Variants in CNTNAP2 observed in about 807,000 individuals in gnomAD.
CNTNAP2 encodes contactin associated protein 2, also known as contactin-associated protein-like 2.
A neutral mutation model predicts 155.2 loss-of-function variants in CNTNAP2; 98 were observed. The ratio of observed to expected loss-of-function variants is 0.63; its 90% CI spans 0.54 to 0.75. CNTNAP2 has a LOEUF of 0.75. CNTNAP2 is among the 30% of genes least tolerant of loss of function. The pLI is 0.00. For synonymous variants in CNTNAP2, 651 were observed against 631.2 expected, an observed-to-expected ratio of 1.03 and a Z score of -0.47; for missense variants, 1,727 against 1,688.1, an observed-to-expected ratio of 1.02 and a Z score of -0.40.
intron 13 of CNTNAP2, among the ~76,000 whole-genome samples, chr7:147,808,622 AC>A (rs1798130405): frequency 6.6e-6 from 1 of 152,072 alleles, no homozygotes; most frequent in Admixed American, 6.6e-5. Flanking sequence ...CTCCAATGTT[AC>A]TTCTCTGTTT....
chr7:146,841,977 G>A (rs1170763452), intron 3 of CNTNAP2, among the ~76,000 whole-genome samples: 1 of 151,960 alleles, frequency 6.6e-6, no homozygotes, highest in Non-Finnish European at 1.5e-5. Context: ...CCGCCTCCTG[G>A]ATTCAAGCCA....
intron 13 of CNTNAP2, among the ~76,000 whole-genome samples, chr7:147,659,382 CTG>C (rs1388068739): frequency 1.3e-5 from 2 of 152,156 alleles, no homozygotes. Flanking sequence ...TTGAAATTGA[CTG>C]TGAAGATATA....
chr7:146,801,263 G>C (rs1400010469), intron 2 of CNTNAP2, among the ~76,000 whole-genome samples: 1 of 151,984 alleles, frequency 6.6e-6, no homozygotes, highest in Non-Finnish European at 1.5e-5. Flanking sequence ...AGTACCAAGA[G>C]GACAGCACCA....
At chr7:148,046,973 T>C (rs1262401505) in intron 15 of CNTNAP2, among the ~76,000 whole-genome samples, 2 of 152,216 alleles carry the variant, frequency 1.3e-5, no homozygotes, top group African/African-American at 2.4e-5. Flanking sequence ...GTACCAATTC[T>C]CTACCTAGAA....
chr7:147,628,815 A>G (rs1398956956), intron 12 of CNTNAP2, among the ~76,000 whole-genome samples: 1 of 151,548 alleles, frequency 6.6e-6, no homozygotes, highest in Non-Finnish European at 1.5e-5. Flanking sequence ...AAAAGCAAGC[A>G]GCAGTAGCTA....
chr7:146,539,059 A>T (rs997216364), intron 1 of CNTNAP2, among the ~76,000 whole-genome samples: 3 of 152,136 alleles, frequency 2.0e-5, no homozygotes, highest in African/African-American at 4.8e-5. Context: ...CATCAGCTAC[A>T]TTTAAGGGAT....
chr7:148,064,620 C>G (rs1255146518), intron 15 of CNTNAP2, among the ~76,000 whole-genome samples: 2 of 150,064 alleles, frequency 1.3e-5, no homozygotes, highest in Non-Finnish European at 3.0e-5. Flanking sequence ...TGCTATACAC[C>G]AACTGCAAGC....
intron 4 of CNTNAP2, among the ~76,000 whole-genome samples, chr7:147,047,683 A>C (rs1435862984): frequency 6.6e-6 from 1 of 152,186 alleles, no homozygotes; most frequent in Non-Finnish European, 1.5e-5. Flanking sequence ...TTAAACTGTG[A>C]CCACATGTTC....
At chr7:148,232,049 G>A (rs1261918617) in intron 20 of CNTNAP2, among the ~76,000 whole-genome samples, 1 of 152,192 alleles carries the variant, frequency 6.6e-6, no homozygotes, top group Non-Finnish European at 1.5e-5. Context: ...ACTGACTGCA[G>A]TAAGATTTCT....
chr7:147,213,959 G>A (rs1018617856), intron 8 of CNTNAP2, among the ~76,000 whole-genome samples: 6 of 152,100 alleles, frequency 3.9e-5, no homozygotes, highest in Admixed American at 2.6e-4. Context: ...GCTTATCCTC[G>A]TCCTCAGATG....
intron 1 of CNTNAP2, among the ~76,000 whole-genome samples, chr7:146,345,347 G>A (rs779344960): frequency 4.6e-5 from 7 of 152,110 alleles, no homozygotes; most frequent in Non-Finnish European, 8.8e-5. Context: ...CAAAGAGATT[G>A]TTCTTAAAGG....
chr7:147,394,619 T>A (rs111946520), intron 9 of CNTNAP2, among the ~76,000 whole-genome samples: 1 of 151,948 alleles, frequency 6.6e-6, no homozygotes, highest in African/African-American at 2.4e-5. Context: ...TTGAAAAATA[T>A]CATTTTCTTA....
intron 3 of CNTNAP2, among the ~76,000 whole-genome samples, chr7:146,933,165 T>A (rs1796819088): frequency 6.6e-6 from 1 of 151,774 alleles, no homozygotes; most frequent in Non-Finnish European, 1.5e-5. Flanking sequence ...GCTGGAGGCA[T>A]CACGCTACCT....
At chr7:148,307,889 C>T (rs1196067880) in intron 21 of CNTNAP2, among the ~76,000 whole-genome samples, 6 of 152,148 alleles carry the variant, frequency 3.9e-5, no homozygotes, top group Non-Finnish European at 1.5e-5. Flanking sequence ...AGGAGAATTG[C>T]TTGAGCCTGG....
intron 1 of CNTNAP2, among the ~76,000 whole-genome samples, chr7:146,645,170 A>T (rs1799789703): frequency 6.6e-6 from 1 of 152,210 alleles, no homozygotes; most frequent in Admixed American, 6.6e-5. Context: ...AGATCAGGAC[A>T]GGTGTCTGTC....
intron 19 of CNTNAP2, 42 bp downstream of exon 19, chr7:148,217,566 G>A (rs757918204): frequency 1.3e-6 from 2 of 1,583,272 alleles, no homozygotes; most frequent in South Asian, 2.2e-5. Flanking sequence ...TAACATTTGG[G>A]CAGACAGAAT....
chr7:147,891,324 C>G (rs1313801428), intron 13 of CNTNAP2, among the ~76,000 whole-genome samples: 1 of 152,062 alleles, frequency 6.6e-6, no homozygotes, highest in Non-Finnish European at 1.5e-5. Flanking sequence ...CCTTCCGCGG[C>G]CTCCCGAGTA....
intron 13 of CNTNAP2, among the ~76,000 whole-genome samples, chr7:147,731,725 TGG>T (rs1796742898): frequency 6.6e-6 from 1 of 152,102 alleles, no homozygotes. Context: ...CTAGTAGGTC[TGG>T]GCAAAATAAA....
At chr7:146,564,952 A>G (rs550560503) in intron 1 of CNTNAP2, among the ~76,000 whole-genome samples, 1 of 152,274 alleles carries the variant, frequency 6.6e-6, no homozygotes, top group African/African-American at 2.4e-5. Flanking sequence ...ACTGCTCAAG[A>G]TCACGTGGCT....
Sources: gnomAD v4.1 joint callset for allele counts (sites outside exome capture counted in the v4.1 genomes callset) on GRCh38, gnomAD v4.1.1 for gene constraint, MANE v1.5 for transcripts, NCBI Gene and HGNC (gene_info 2026-07-23, HGNC 2026-07-21) for gene names.